CACNA2D3: variants seen among roughly 807,000 people sequenced by gnomAD.
CACNA2D3 encodes voltage-dependent calcium channel subunit alpha-2/delta-3.
A neutral mutation model predicts 160.6 loss-of-function variants in CACNA2D3; 60 were observed. The observed-to-expected ratio is 0.37, with a 90% CI of 0.30 to 0.46. The LOEUF (loss-of-function observed/expected upper bound fraction) is 0.46, where lower values mean the gene tolerates loss of function less well. Among genes scored for constraint, CACNA2D3 ranks in the 20% least tolerant of loss-of-function variants. CACNA2D3 has a pLI of 1.00. For missense variants in CACNA2D3, 1,205 were observed against 1,365.0 expected (o/e 0.88, Z 1.85); for synonymous variants, 558 against 492.9 (o/e 1.13, Z -1.75).
intron 27 of CACNA2D3, among the ~76,000 whole-genome samples, chr3:54,946,665 G>C (rs998261811): frequency 1.3e-5 from 2 of 152,046 alleles, no homozygotes; most frequent in African/African-American, 4.8e-5. Context: ...TGCAAACCTG[G>C]GGGGAGCTAG....
At chr3:54,838,545 A>G (rs751225169) in intron 15 of CACNA2D3, 23 bp from the exon 16 acceptor site, 1 of 1,579,098 alleles carries the variant, frequency 6.3e-7, no homozygotes, top group Non-Finnish European at 8.7e-7. Flanking sequence ...CTGTTATTAT[A>G]ATTCAATGTT....
intron 24 of CACNA2D3, among the ~76,000 whole-genome samples, chr3:54,889,546 C>T (rs149139544): frequency 4.6e-5 from 7 of 152,230 alleles, no homozygotes; most frequent in East Asian, 3.9e-4. Flanking sequence ...ATTGGGCAGA[C>T]GGTGCTATTT....
intron 13 of CACNA2D3, among the ~76,000 whole-genome samples, chr3:54,813,659 C>G (rs537365346): frequency 6.6e-6 from 1 of 151,984 alleles, no homozygotes; most frequent in South Asian, 2.1e-4. Context: ...AAGTACCAGT[C>G]ACAGGTTAGA....
rs1702445428 is a variant in CACNA2D3, at chr3:54,777,435, A to C, written c.1380+13084A>C. On this transcript the variant is annotated intron_variant, in intron 13 of 37. Transcript: ENST00000474759. ...CATGACTAAGTCTATCTCTCAGTGC[A>C]AGGTCCTTAGGAGAAATTTCTCTCT... Among the ~76,000 whole-genome samples the C allele has an allele frequency of 2.0e-5, 3 of 152,224 alleles. No individual in the cohort carries two copies. In the South Asian group the frequency reaches 6.2e-4, roughly 32 times the overall value.
intron 34 of CACNA2D3, among the ~76,000 whole-genome samples, chr3:55,015,453 C>T (rs1381333824): frequency 5.3e-5 from 8 of 152,160 alleles, no homozygotes; most frequent in African/African-American, 1.9e-4. Context: ...GCATCTGGAA[C>T]GCAGCAATTT....
At position 54,562,934 on chromosome 3, in the gene CACNA2D3, G is replaced by A. The variant is rs141372506; in HGVS notation, c.676+3G>A. 1.9e-4 allele frequency: 305 copies of A among 1,612,748 alleles called. 1 individual carries two copies. In the African/African-American group the frequency reaches 3.8e-3, roughly 20 times the overall value. On this transcript the variant is annotated splice_donor_region_variant and intron_variant, in intron 6 of 37. Transcript: ENST00000474759. Reference sequence around the variant, plus strand: ...GGGCTTTTTTAGGCAGTATCCGGGTGAGTATACCTGCATTGACAGTTATGA... The same window carrying A: ...GGGCTTTTTTAGGCAGTATCCGGGTAAGTATACCTGCATTGACAGTTATGA...
At chr3:54,713,318 AG>A (rs1389531491) in intron 11 of CACNA2D3, among the ~76,000 whole-genome samples, 2 of 152,220 alleles carry the variant, frequency 1.3e-5, no homozygotes, top group Non-Finnish European at 2.9e-5. Flanking sequence ...CTTTGGAATT[AG>A]GTGATTCTCC....
At chr3:54,302,023 G>A (rs1703487697) in intron 2 of CACNA2D3, among the ~76,000 whole-genome samples, 1 of 152,222 alleles carries the variant, frequency 6.6e-6, no homozygotes, top group African/African-American at 2.4e-5. Flanking sequence ...ACTTTAAACA[G>A]TTCTTGCCTC....
chr3:54,297,312 A>C (rs182351113), intron 2 of CACNA2D3, among the ~76,000 whole-genome samples: 2 of 152,136 alleles, frequency 1.3e-5, no homozygotes, highest in Non-Finnish European at 2.9e-5. Context: ...GGTCAGGGTG[A>C]ATGCTCACTT....
At chr3:54,153,142 G>A (rs1212999534) in intron 2 of CACNA2D3, among the ~76,000 whole-genome samples, 1 of 152,204 alleles carries the variant, frequency 6.6e-6, no homozygotes, top group African/African-American at 2.4e-5. Context: ...TAGAGAAGTT[G>A]GTAGCTCTGT....
chr3:54,735,922 C>T (rs561833519), intron 11 of CACNA2D3, among the ~76,000 whole-genome samples: 5 of 140,164 alleles, frequency 3.6e-5, no homozygotes, highest in East Asian at 2.0e-4. Context: ...TATCCACCCT[C>T]GAGAGATTAT....
chr3:54,879,035 G>A lies in CACNA2D3; in HGVS notation c.1728G>A (p.Val576=). 1 of 1,604,432 alleles carries A rather than the reference G, an allele frequency of 6.2e-7. No homozygotes were observed. The highest frequency in any genetic ancestry group is 1.1e-5 in the South Asian group (1 of 88,974). ...DRDDVLRNAM[V]NRKTGKFSME... ...CATTTTAGTTGAGAAATGCTATGGT[G>A]AATCGAAAGACGGGGAAGTTTTCCA... Residue 576 remains valine (V), a synonymous_variant, in exon 19 of 38, where the codon GTG becomes GTA. Transcript: ENST00000474759.
At chr3:54,626,389 C>T in intron 9 of CACNA2D3, 2 of 1,569,474 alleles carry the variant, frequency 1.3e-6, no homozygotes, top group South Asian at 2.3e-5. Context: ...GCTGAAGTGC[C>T]TGCGCAAGGC....
intron 35 of CACNA2D3, among the ~76,000 whole-genome samples, chr3:55,021,643 A>ATATATATATG (rs1703452825): frequency 4.1e-5 from 5 of 122,632 alleles, no homozygotes; most frequent in African/African-American, 1.5e-4. Flanking sequence ...ATATATATAT[A>ATATATATATG]TGTGTATATA....
At chr3:54,969,261 A>ATTTTTTTTTTTTTTTTTTTTTTTTTTTT (rs139722160) in intron 28 of CACNA2D3, among the ~76,000 whole-genome samples, 4 of 127,796 alleles carry the variant, frequency 3.1e-5, no homozygotes, top group African/African-American at 2.8e-5. Context: ...CATAAAGTAG[A>ATTTTTTTTTTTTTTTTTTTTTTTTTTTT]CTTTTTTTTT....
intron 30 of CACNA2D3, among the ~76,000 whole-genome samples, chr3:54,986,856 T>C (rs1308067979): frequency 6.6e-6 from 1 of 152,036 alleles, no homozygotes; most frequent in Admixed American, 6.6e-5. Context: ...CAGGCTCTGT[T>C]CCATGCACTG....
rs550433354 is a variant in CACNA2D3, at chr3:54,902,292, T to C, written c.2449+2424T>C. Among the ~76,000 whole-genome samples the C allele has an allele frequency of 1.3e-3, 204 of 152,362 alleles. 1 individual carries two copies. The highest frequency in any genetic ancestry group is 6.8e-3 in the Middle Eastern group (2 of 294). ...ATGTCTGGGGTAGAAAGAGGTTTTT[T>C]TGTTTCATTTTCTTGTTTTTTGTTT... On this transcript the variant is annotated intron_variant, in intron 27 of 37. Coordinates refer to ENST00000474759, the MANE Select transcript of CACNA2D3 (RefSeq NM_018398.3).
chr3:54,729,902 G>A (rs886213504), intron 11 of CACNA2D3, among the ~76,000 whole-genome samples: 1 of 150,696 alleles, frequency 6.6e-6, no homozygotes, highest in Non-Finnish European at 1.5e-5. Context: ...AGGAGGCTAA[G>A]GCAGGAGAAT....
chr3:54,304,021 C>T (rs1703540978), intron 2 of CACNA2D3, among the ~76,000 whole-genome samples: 2 of 151,788 alleles, frequency 1.3e-5, no homozygotes, highest in Non-Finnish European at 2.9e-5. Context: ...ATTCTCTAAC[C>T]CAGTTTTTCT....
Sources: gnomAD v4.1 joint callset for allele counts (sites outside exome capture counted in the v4.1 genomes callset) on GRCh38, gnomAD v4.1.1 for gene constraint, MANE v1.5 for transcripts, NCBI Gene and HGNC (gene_info 2026-07-23, HGNC 2026-07-21) for gene names.